Variants in PPP2R3A observed in about 807,000 individuals in gnomAD.
The protein encoded by PPP2R3A is serine/threonine-protein phosphatase 2A regulatory subunit B'' subunit alpha.
Under a neutral mutation model 106.9 loss-of-function variants are expected in PPP2R3A, and 80 were observed. That is an observed-to-expected ratio of 0.75 (90% CI 0.62 to 0.90). The LOEUF is 0.90. PPP2R3A is among the 40% of genes least tolerant of loss of function. The probability of loss-of-function intolerance (pLI) is 0.00; values close to 1 mark genes in which losing one functional copy is unlikely to be tolerated. For missense variants in PPP2R3A, 1,386 were observed against 1,350.4 expected (o/e 1.03, Z -0.41); for synonymous variants, 483 against 468.3 (o/e 1.03, Z -0.41).
chr3:136,025,087 T>G (rs1934601102), intron 2 of PPP2R3A, among the ~76,000 whole-genome samples: 2 of 152,178 alleles, frequency 1.3e-5, no homozygotes, highest in South Asian at 4.1e-4. Context: ...TTTTTGAGAA[T>G]CTCATCCTTT....
chr3:136,010,399 T>A (rs1280274772), intron 2 of PPP2R3A, among the ~76,000 whole-genome samples: 1 of 139,692 alleles, frequency 7.2e-6, no homozygotes, highest in Non-Finnish European at 1.5e-5. Context: ...TACAGGCGCA[T>A]GCCATCACGC....
chr3:136,033,888 A>G (rs1026125605), intron 3 of PPP2R3A, among the ~76,000 whole-genome samples: 3 of 147,682 alleles, frequency 2.0e-5, no homozygotes, highest in Non-Finnish European at 4.5e-5. Context: ...TATTTTTTTC[A>G]ATTTCATTTA....
At chr3:136,061,484 C>T (rs1277134719) in intron 5 of PPP2R3A, among the ~76,000 whole-genome samples, 1 of 151,964 alleles carries the variant, frequency 6.6e-6, no homozygotes, top group African/African-American at 2.4e-5. Flanking sequence ...AAAAATTAGC[C>T]GGGTGTGGTG....
rs1277722728 is a variant in PPP2R3A, at chr3:136,001,874, G to T, written c.376G>T (p.Glu126Ter). The T allele has an allele frequency of 6.2e-7, 1 of 1,614,026 alleles. No homozygotes were observed. The highest frequency in any genetic ancestry group is 8.5e-7 in the Non-Finnish European group (1 of 1,180,004). ...AISFASGKIK[E>*]FSFEKLKNSN... ...CAGTTTTGCCAGTGGGAAAATAAAA[G>T]AATTTTCCTTTGAAAAACTCAAAAA... The change falls in exon 2 of 14, where the codon GAA becomes TAA. Residue 126 changes from glutamate to a stop codon, truncating the protein, a stop_gained. Coordinates refer to ENST00000264977, the MANE Select transcript of PPP2R3A (RefSeq NM_002718.5). LOFTEE classifies it high-confidence loss of function.
chr3:136,107,431 C>CTTTTTTT (rs11324496), intron 13 of PPP2R3A, among the ~76,000 whole-genome samples: 1 of 71,422 alleles, frequency 1.4e-5, no homozygotes, highest in Non-Finnish European at 2.5e-5. Context: ...TACATGAATT[C>CTTTTTTT]TTTTTTTTTT....
intron 3 of PPP2R3A, among the ~76,000 whole-genome samples, chr3:136,032,994 A>G (rs949174444): frequency 6.6e-6 from 1 of 152,102 alleles, no homozygotes; most frequent in Non-Finnish European, 1.5e-5. Context: ...CCAATTCAGT[A>G]TTATGTTGGC....
intron 3 of PPP2R3A, among the ~76,000 whole-genome samples, chr3:136,038,269 A>G (rs1202760329): frequency 6.6e-6 from 1 of 152,106 alleles, no homozygotes; most frequent in African/African-American, 2.4e-5. Context: ...CCCCACTATG[A>G]GAACAATAGG....
intron 3 of PPP2R3A, among the ~76,000 whole-genome samples, chr3:136,031,914 G>T (rs1934904253): frequency 6.6e-6 from 1 of 152,144 alleles, no homozygotes; most frequent in African/African-American, 2.4e-5. Flanking sequence ...TGGCCTTATA[G>T]TATAGTTTGA....
rs1935402179 is a variant in PPP2R3A, at chr3:136,044,482, G to GATC, written c.2366+3521_2366+3523dup. On this transcript the variant is annotated intron_variant, in intron 4 of 13. Transcript: ENST00000264977. ...ACCTGTAATCCTAGCTACTTGGGAG[G>GATC]ATCGCTTGAGCCTAGGAGTTTGAGG... Among the ~76,000 whole-genome samples, 6 of 148,732 alleles carry GATC rather than the reference G, an allele frequency of 4.0e-5. No individual in the cohort carries two copies. In the South Asian group the frequency reaches 1.3e-3, roughly 32 times the overall value.
intron 5 of PPP2R3A, among the ~76,000 whole-genome samples, chr3:136,070,119 C>T (rs565409734): frequency 6.6e-6 from 1 of 152,296 alleles, no homozygotes; most frequent in Admixed American, 6.5e-5. Flanking sequence ...CCACGACATC[C>T]TTTCTGTGTA....
At chr3:136,051,510 A>T (rs1314420264) in intron 5 of PPP2R3A, among the ~76,000 whole-genome samples, 1 of 152,084 alleles carries the variant, frequency 6.6e-6, no homozygotes, top group Admixed American at 6.5e-5. Context: ...TTGTGTTTTT[A>T]GTAGAGACTG....
chr3:136,142,976 A>C (rs1282363283), intron 13 of PPP2R3A, among the ~76,000 whole-genome samples: 1 of 152,200 alleles, frequency 6.6e-6, no homozygotes, highest in Non-Finnish European at 1.5e-5. Flanking sequence ...GCATTAGCGG[A>C]AAGTTCCTCT....
At chr3:136,125,056 C>G (rs1341523706) in intron 13 of PPP2R3A, among the ~76,000 whole-genome samples, 1 of 152,198 alleles carries the variant, frequency 6.6e-6, no homozygotes, top group Non-Finnish European at 1.5e-5. Context: ...CATGGTGGCT[C>G]ACACCTGTAA....
chr3:136,034,524 C>G (rs988776551), intron 3 of PPP2R3A, among the ~76,000 whole-genome samples: 23 of 152,120 alleles, frequency 1.5e-4, no homozygotes, highest in Non-Finnish European at 2.9e-4. Context: ...CATGTATTTG[C>G]ATGGTTTTGA....
At chr3:136,078,772 AG>A (rs1369543118) in intron 7 of PPP2R3A, among the ~76,000 whole-genome samples, 1 of 151,932 alleles carries the variant, frequency 6.6e-6, no homozygotes, top group Non-Finnish European at 1.5e-5. Flanking sequence ...ATAAGCCTGG[AG>A]GGGTGGGCTG....
At chr3:136,049,468 T>A (rs571356676) in intron 5 of PPP2R3A, 107 bp downstream of exon 5, 2 of 732,876 alleles carry the variant, frequency 2.7e-6, no homozygotes, top group Admixed American at 2.7e-5. Flanking sequence ...GATCTAGATA[T>A]CAGATTCTAG....
At chr3:136,061,965 AT>A (rs1305067644) in intron 5 of PPP2R3A, among the ~76,000 whole-genome samples, 2 of 150,978 alleles carry the variant, frequency 1.3e-5, no homozygotes, top group African/African-American at 2.4e-5. Context: ...CCTGACAATT[AT>A]GAATTTCTTT....
At chr3:136,091,212 G>A (rs1225083990) in intron 10 of PPP2R3A, among the ~76,000 whole-genome samples, 2 of 152,124 alleles carry the variant, frequency 1.3e-5, no homozygotes, top group South Asian at 2.1e-4. Flanking sequence ...GTAACACAAC[G>A]CACTGTAGTT....
chr3:136,074,477 A>T (rs1181718678), intron 6 of PPP2R3A, among the ~76,000 whole-genome samples: 1 of 152,262 alleles, frequency 6.6e-6, no homozygotes. Context: ...AAATACCAGC[A>T]AATCATAGCC....
Sources: allele counts gnomAD v4.1 joint callset (sites outside exome capture counted in the v4.1 genomes callset), GRCh38; gene constraint gnomAD v4.1.1; transcripts MANE v1.5; gene names NCBI Gene and HGNC (gene_info 2026-07-23, HGNC 2026-07-21).